Variants in CHRNA7 observed in about 807,000 individuals in gnomAD.
CHRNA7 encodes neuronal acetylcholine receptor subunit alpha-7.
Under a neutral mutation model 48.0 loss-of-function variants are expected in CHRNA7, and 17 were observed. That is an observed-to-expected ratio of 0.35 (90% CI 0.24 to 0.53). The LOEUF (loss-of-function observed/expected upper bound fraction) is 0.53. Among genes scored for constraint, CHRNA7 ranks in the 20% least tolerant of loss-of-function variants. CHRNA7 has a pLI of 0.92. For synonymous variants in CHRNA7, 75 were observed against 242.3 expected (o/e 0.31, Z 6.41); for missense variants, 155 against 577.7 (o/e 0.27, Z 7.50).
intron 2 of CHRNA7, among the ~76,000 whole-genome samples, chr15:32,034,353 GA>G (rs954123393): frequency 6.6e-6 from 1 of 152,200 alleles, no homozygotes; most frequent in Non-Finnish European, 1.5e-5. Flanking sequence ...AGACTTCTCA[GA>G]AAATTTATGC....
intron 2 of CHRNA7, among the ~76,000 whole-genome samples, chr15:32,063,092 G>T (rs73386723): frequency 2.6e-5 from 4 of 152,110 alleles, no homozygotes; most frequent in African/African-American, 7.2e-5. Flanking sequence ...ACATATACAG[G>T]GTAGTTACCG....
rs78186393 is a variant in CHRNA7 at position 32,031,635 on chromosome 15, G to A, written c.195+598G>A. 1.6e-4 allele frequency among the ~76,000 whole-genome samples: 24 copies of A among 152,322 alleles called. No homozygotes were observed. In the East Asian group the frequency reaches 2.7e-3, roughly 17 times the overall value. On this transcript the variant is annotated intron_variant, in intron 2 of 9. Coordinates refer to ENST00000306901, the MANE Select transcript of CHRNA7 (RefSeq NM_000746.6). Reference sequence around the variant, plus strand: ...CTGCTCCGAGGACTCAGGGTTCCCCGTCAGGAATACATGTGTCTGTCCCTC... The same window carrying A: ...CTGCTCCGAGGACTCAGGGTTCCCCATCAGGAATACATGTGTCTGTCCCTC...
At chr15:32,156,685 C>G (rs1390299702) in intron 5 of CHRNA7, 1 of 93,222 alleles carries the variant, frequency 1.1e-5, no homozygotes, top group African/African-American at 3.8e-5. Context: ...TCAGCGGAAA[C>G]TCTTCCTTCA....
At chr15:32,113,865 G>A (rs918663529) in intron 4 of CHRNA7, among the ~76,000 whole-genome samples, 13 of 149,626 alleles carry the variant, frequency 8.7e-5, no homozygotes, top group African/African-American at 3.0e-4. Context: ...CAACAATAAC[G>A]ACAACAACAA....
At chr15:32,146,101 C>CA (rs1341892194) in intron 4 of CHRNA7, among the ~76,000 whole-genome samples, 2 of 152,168 alleles carry the variant, frequency 1.3e-5, no homozygotes, top group African/African-American at 4.8e-5. Flanking sequence ...CAAAGTCTAG[C>CA]AATAAGTTAA....
chr15:32,150,529 G>A (rs776095096), intron 4 of CHRNA7, among the ~76,000 whole-genome samples: 7 of 152,136 alleles, frequency 4.6e-5, no homozygotes, highest in African/African-American at 7.2e-5. Context: ...ATTCAAATGC[G>A]TGCAAATTCA....
In CHRNA7 at chr15:32,149,418, G is replaced by A. The variant is rs1390863194; in HGVS notation, c.351-4489G>A. On this transcript the variant is annotated intron_variant, in intron 4 of 9. Transcript: ENST00000306901. The surrounding 1 kb of genome is among the most constrained non-coding windows in gnomAD (Gnocchi z 4.6). The stretch of plus-strand genomic sequence containing the variant: ...CACTGAGGTCCTCATAGGGGTTCTG[G>A]CCACTCACATTTCCGAGGTTCTTCA... Among the ~76,000 whole-genome samples the A allele has an allele frequency of 2.0e-5, 3 of 152,116 alleles. No homozygotes were observed. Among genetic ancestry groups the A allele is most frequent in the South Asian group, 2.1e-4 (1 of 4,824 alleles).
chr15:32,051,459 CG>C lies in CHRNA7; in HGVS notation c.195+20425del, dbSNP rs776393577. On this transcript the variant is annotated intron_variant, in intron 2 of 9. Transcript: ENST00000306901. ...GGCGTAGGACCCTCCGAGCCATGTG[CG>C]GGATATAATCTCCTGGTGTGCCGTT... Among the ~76,000 whole-genome samples the C allele has an allele frequency of 1.6e-3, 250 of 152,312 alleles. 1 individual carries two copies. Among genetic ancestry groups the C allele is most frequent in the Non-Finnish European group, 2.5e-3 (169 of 68,028 alleles).
intron 2 of CHRNA7, among the ~76,000 whole-genome samples, chr15:32,081,299 A>C (rs188968539): frequency 1.3e-5 from 2 of 152,292 alleles, no homozygotes; most frequent in East Asian, 1.9e-4. Flanking sequence ...TATAAAATTA[A>C]ATTTGAAAAA....
At position 32,170,154 on chromosome 15, in the gene CHRNA7, TTAAA is replaced by T. The variant is rs1177745179; in HGVS notation, c.*1702_*1705del. On this transcript the variant is annotated 3_prime_UTR_variant, in exon 10 of 10. Coordinates refer to ENST00000306901, the MANE Select transcript of CHRNA7 (RefSeq NM_000746.6). ...ATGAGGGAAGATTTGATTTTCAGAG[TTAAA>T]TAAATTGTATGTGCTTTTCCAGCCA... is the stretch of plus-strand genomic sequence containing the variant. The T allele has an allele frequency of 2.3e-5, 2 of 86,444 alleles. No homozygotes were observed. Among genetic ancestry groups the T allele is most frequent in the Non-Finnish European group, 4.4e-5 (2 of 44,996 alleles). 5.4% of individuals were successfully genotyped at this position (86,444 alleles called of 1,614,324 possible). A position where few individuals can be genotyped will look rare whatever the true frequency, so the allele number is the denominator to read the frequency against.
intron 4 of CHRNA7, among the ~76,000 whole-genome samples, chr15:32,114,942 C>G (rs1453629935): frequency 6.6e-6 from 1 of 152,228 alleles, no homozygotes; most frequent in Non-Finnish European, 1.5e-5. Flanking sequence ...CCGGCCCTGG[C>G]AGGAAGCTCA....
At chr15:32,123,066 T>C (rs2051001665) in intron 4 of CHRNA7, among the ~76,000 whole-genome samples, 1 of 152,190 alleles carries the variant, frequency 6.6e-6, no homozygotes, top group African/African-American at 2.4e-5. Context: ...CTCAGAATTG[T>C]ATTCCAGCAA....
At chr15:32,112,088 G>A (rs2050771507) in intron 4 of CHRNA7, 189 bp downstream of exon 4, 2 of 631,844 alleles carry the variant, frequency 3.2e-6, no homozygotes, top group Non-Finnish European at 5.7e-6. Context: ...GCATTCCCTG[G>A]TTTGGCATGC....
intron 2 of CHRNA7, among the ~76,000 whole-genome samples, chr15:32,052,754 TAAA>T (rs2049713863): frequency 6.6e-6 from 1 of 151,948 alleles, no homozygotes; most frequent in Non-Finnish European, 1.5e-5. Flanking sequence ...TACAATTAAA[TAAA>T]AAAGTTAGAT....
chr15:32,065,157 G>T lies in CHRNA7; in HGVS notation c.195+34120G>T, dbSNP rs75926756. On this transcript the variant is annotated intron_variant, in intron 2 of 9. Transcript: ENST00000306901. ...TTTTTATAAAAATAGGCCGAATCTT[G>T]GTAAGAACAGTGACTTTTGTGACAT... Among the ~76,000 whole-genome samples the T allele has an allele frequency of 4.7e-3, 722 of 152,244 alleles. 8 individuals are homozygous for T. The highest frequency in any genetic ancestry group is 8.1e-3 in the Non-Finnish European group (548 of 68,014).
chr15:32,162,361 G>A (rs909361582), intron 8 of CHRNA7: 1 of 152,258 alleles, frequency 6.6e-6, no homozygotes, highest in African/African-American at 2.4e-5. Flanking sequence ...ACCCCATCCT[G>A]AGGGTATCCA....
intron 1 of CHRNA7, 47 bp from the exon 2 acceptor site, chr15:32,030,851 C>T (rs1901789983): frequency 6.3e-7 from 1 of 1,594,262 alleles, no homozygotes; most frequent in African/African-American, 1.3e-5. Context: ...CGGGGGTACC[C>T]CCGCCGGCCT....
chr15:32,031,437 C>G (rs1448791956), intron 2 of CHRNA7, among the ~76,000 whole-genome samples: 1 of 152,190 alleles, frequency 6.6e-6, no homozygotes, highest in Non-Finnish European at 1.5e-5. Flanking sequence ...CACTTCTAGA[C>G]TTTTCTGCCG....
At chr15:32,035,034 T>C (rs1307340325) in intron 2 of CHRNA7, among the ~76,000 whole-genome samples, 1 of 152,222 alleles carries the variant, frequency 6.6e-6, no homozygotes, top group African/African-American at 2.4e-5. Flanking sequence ...TTGGATATAT[T>C]GTCTATGATC....
Sources: gnomAD v4.1 joint callset for allele counts (sites outside exome capture counted in the v4.1 genomes callset) on GRCh38, gnomAD v4.1.1 for gene constraint, Gnocchi (gnomAD v3.1) non-coding constraint, MANE v1.5 for transcripts, NCBI Gene and HGNC (gene_info 2026-07-23, HGNC 2026-07-21) for gene names.